Variants in ICA1L observed in about 807,000 individuals in gnomAD.
The protein encoded by ICA1L is islet cell autoantigen 1-like protein.
In ICA1L, 50 loss-of-function variants were observed where a neutral mutation model predicts 61.3. That is an observed-to-expected ratio of 0.82 (90% CI 0.65 to 1.03). ICA1L has a LOEUF of 1.03. Among genes scored for constraint, ICA1L ranks in the 50% least tolerant of loss-of-function variants. The pLI is 0.00. For synonymous variants in ICA1L, 161 were observed against 191.3 expected, an observed-to-expected ratio of 0.84 and a Z score of 1.31; for missense variants, 508 against 556.7, an observed-to-expected ratio of 0.91 and a Z score of 0.88.
rs151227020 is a variant in ICA1L at position 202,779,634 on chromosome 2, T to A, written c.1348A>T (p.Asn450Tyr). The A allele has an allele frequency of 2.1e-5, 34 of 1,610,100 alleles. No homozygotes were observed. The African/African-American group carries it at 4.5e-4, about 21-fold the overall frequency. The change falls in exon 13 of 13, where the codon AAC becomes TAC. Residue 450 changes from asparagine (N) to tyrosine (Y), a missense_variant. By Grantham distance (143) the Asn-to-Tyr change is moderately radical. Transcript: ENST00000358299. ...KKLTRSPNNG[N>Y]QDMSAWFNLF... ...TTGAACCAGGCTGACATGTCTTGGT[T>A]GCCATTGTTGGGGGCTATTAAAAAA...
chr2:202,844,886 C>A (rs187933325), intron 1 of ICA1L, among the ~76,000 whole-genome samples: 3 of 152,194 alleles, frequency 2.0e-5, no homozygotes, highest in Admixed American at 6.5e-5. Flanking sequence ...AGTTGTCAGA[C>A]GGCTGCATTT....
At chr2:202,815,853 G>A (rs1246369406) in intron 7 of ICA1L, 58 bp downstream of exon 7, 8 of 947,614 alleles carry the variant, frequency 8.4e-6, no homozygotes, top group Non-Finnish European at 1.2e-5. Context: ...AAGTTTCAAT[G>A]TTATCACCCA....
chr2:202,825,577 C>G, intron 3 of ICA1L, 118 bp downstream of exon 3: 1 of 1,310,892 alleles, frequency 7.6e-7, no homozygotes, highest in South Asian at 1.9e-5. Flanking sequence ...TGTAAATATT[C>G]ATATTTTGCC....
At chr2:202,812,717 A>G (rs1462843723) in intron 8 of ICA1L, among the ~76,000 whole-genome samples, 1 of 152,232 alleles carries the variant, frequency 6.6e-6, no homozygotes, top group Non-Finnish European at 1.5e-5. Flanking sequence ...TGTAAATACT[A>G]CACAAATAAA....
chr2:202,794,596 A>C (rs970801369), intron 10 of ICA1L, among the ~76,000 whole-genome samples: 2 of 152,212 alleles, frequency 1.3e-5, no homozygotes, highest in African/African-American at 4.8e-5. Context: ...AAACAAGATT[A>C]TCTCTATTTT....
chr2:202,774,079 G>T lies in ICA1L; in HGVS notation c.*5454C>A. 5 of 1,020,426 alleles carry T rather than the reference G, an allele frequency of 4.9e-6. No homozygotes were observed. Among genetic ancestry groups the T allele is most frequent in the Non-Finnish European group, 4.5e-6 (3 of 670,880 alleles). The allele number at this position is 1,020,426 out of a possible 1,614,324, so 63.2% of individuals were successfully genotyped here. A position where few individuals can be genotyped will look rare whatever the true frequency, so the allele number is the denominator to read the frequency against. ...ATGTGTCATCCTAGCTGCCTAATAT[G>T]ATAATATTAGGAATCCCATCAATGA... On this transcript the variant is annotated 3_prime_UTR_variant, in exon 13 of 13. Transcript: ENST00000358299.
At chr2:202,840,041 G>T (rs1327998778) in intron 1 of ICA1L, among the ~76,000 whole-genome samples, 1 of 132,710 alleles carries the variant, frequency 7.5e-6, no homozygotes, top group Non-Finnish European at 1.6e-5. Context: ...ATAAATTATT[G>T]TAGCCATTAT....
At position 202,853,085 on chromosome 2, in the gene ICA1L, G is replaced by A. The variant is rs559935518; in HGVS notation, c.-8+18534C>T. 2.3e-3 allele frequency among the ~76,000 whole-genome samples: 351 copies of A among 152,084 alleles called. 1 individual carries two copies. Among genetic ancestry groups the A allele is most frequent in the Non-Finnish European group, 4.6e-3 (314 of 67,982 alleles). ...ATCAAAGACTTAAATGTGGCTGGGC[G>A]CGGTGGCTCACGCCTGTAATCCCAG... On this transcript the variant is annotated intron_variant, in intron 1 of 12. Transcript: ENST00000358299.
At chr2:202,796,699 G>A (rs900385347) in intron 10 of ICA1L, among the ~76,000 whole-genome samples, 191 bp downstream of exon 10, 2 of 152,154 alleles carry the variant, frequency 1.3e-5, no homozygotes, top group Non-Finnish European at 2.9e-5. Flanking sequence ...ATACGGATAC[G>A]TTCTGATAGG....
At chr2:202,841,684 G>A (rs149941714) in intron 1 of ICA1L, 937 of 542,722 alleles carry the variant, frequency 1.7e-3, no homozygotes, top group Middle Eastern at 4.9e-3. Flanking sequence ...TGCAGGCACC[G>A]GGCCCACGCG....
At chr2:202,793,919 G>A (rs1167470648) in intron 10 of ICA1L, among the ~76,000 whole-genome samples, 6 of 150,668 alleles carry the variant, frequency 4.0e-5, no homozygotes, top group Non-Finnish European at 7.4e-5. Flanking sequence ...CTGGGAGGCA[G>A]AAGTTGCAGT....
intron 1 of ICA1L, among the ~76,000 whole-genome samples, chr2:202,830,650 A>G (rs997698830): frequency 2.0e-5 from 3 of 152,206 alleles, no homozygotes; most frequent in African/African-American, 7.2e-5. Flanking sequence ...ATGCTATTGT[A>G]TTTTTCATGT....
chr2:202,840,464 C>T (rs551748148), intron 1 of ICA1L: 4 of 503,498 alleles, frequency 7.9e-6, no homozygotes, highest in African/African-American at 7.7e-5. Flanking sequence ...AAAGCTGGAG[C>T]CGAGGCCATA....
intron 1 of ICA1L, among the ~76,000 whole-genome samples, chr2:202,858,687 C>G (rs1277811013): frequency 6.6e-6 from 1 of 152,154 alleles, no homozygotes; most frequent in African/African-American, 2.4e-5. Flanking sequence ...CAGAGAAAAT[C>G]CTATTGCCTA....
At position 202,829,027 on chromosome 2, in the gene ICA1L, C is replaced by T. The variant is rs770567260; in HGVS notation, c.-7-11G>A. 1.0e-5 allele frequency: 16 copies of T among 1,530,296 alleles called. No homozygotes were observed. The highest frequency in any genetic ancestry group is 2.3e-5 in the East Asian group (1 of 43,180). The allele number at this position is 1,530,296 out of a possible 1,614,324, so 94.8% of individuals were successfully genotyped here. A position where few individuals can be genotyped will look rare whatever the true frequency, so the allele number is the denominator to read the frequency against. ...GAATCCATGGAGTGACTACAATGAA[C>T]AGACTAAAATTAAACTTCTTTTAAA... On this transcript the variant is annotated splice_polypyrimidine_tract_variant and intron_variant, in intron 1 of 12. Transcript: ENST00000358299.
chr2:202,774,165 G>T lies in ICA1L; in HGVS notation c.*5368C>A. ...TCATTTGTTGATGCTTCATATCTGA[G>T]CGGCTTCTTGGAGAGCGGGCACACC... On this transcript the variant is annotated 3_prime_UTR_variant, in exon 13 of 13. Transcript: ENST00000358299. 6.5e-7 allele frequency: 1 copy of T among 1,546,608 alleles called. No homozygotes were observed. Among genetic ancestry groups the T allele is most frequent in the Admixed American group, 2.0e-5 (1 of 50,908 alleles).
In ICA1L at chr2:202,794,422, TTAACATCATG is replaced by T. The variant is rs919807357; in HGVS notation, c.985+2458_985+2467del. 2.6e-5 allele frequency among the ~76,000 whole-genome samples: 4 copies of T among 152,090 alleles called. 1 individual carries two copies. The highest frequency in any genetic ancestry group is 1.3e-4 in the Admixed American group (2 of 15,268). ...AAAGTAAGTATGGATGGATGCTTCC[TTAACATCATG>T]AAATTATCTGTGTCCAAAGCCAGCA... On this transcript the variant is annotated intron_variant, in intron 10 of 12. Transcript: ENST00000358299.
intron 12 of ICA1L, among the ~76,000 whole-genome samples, chr2:202,782,600 G>A (rs1246521583): frequency 1.3e-5 from 2 of 151,908 alleles, no homozygotes; most frequent in Non-Finnish European, 2.9e-5. Context: ...GTAGAGACGG[G>A]GTTTCACCAT....
chr2:202,815,616 A>T (rs370444987), intron 7 of ICA1L, among the ~76,000 whole-genome samples: 194 of 151,904 alleles, frequency 1.3e-3, no homozygotes, highest in Non-Finnish European at 2.0e-3. Flanking sequence ...AAATTAAATT[A>T]AATTTAATTT....
Sources: allele counts gnomAD v4.1 joint callset (sites outside exome capture counted in the v4.1 genomes callset), GRCh38; gene constraint gnomAD v4.1.1; transcripts MANE v1.5; gene names NCBI Gene and HGNC (gene_info 2026-07-23, HGNC 2026-07-21).